Variants in COL28A1 observed in about 807,000 individuals in gnomAD.
COL28A1 encodes collagen alpha-1(XXVIII) chain.
COL28A1 carries 161 observed loss-of-function variants against 150.2 expected under a neutral mutation model. The ratio of observed to expected loss-of-function variants is 1.07; its 90% CI spans 0.94 to 1.22. COL28A1 has a LOEUF of 1.22. COL28A1 is among the 50% of genes most tolerant of loss of function. COL28A1 has a pLI of 0.00. For missense variants in COL28A1, 1,617 were observed against 1,388.3 expected (o/e 1.16, Z -2.62); for synonymous variants, 552 against 469.7 (o/e 1.18, Z -2.26).
upstream of COL28A1, among the ~76,000 whole-genome samples, chr7:7,539,413 C>T (rs1467718379): frequency 3.3e-5 from 5 of 152,168 alleles, no homozygotes; most frequent in Non-Finnish European, 7.3e-5. Flanking sequence ...AGAGAACACA[C>T]TCATTACCGC....
At chr7:7,495,828 CA>C (rs1432138147) in intron 11 of COL28A1, among the ~76,000 whole-genome samples, 1 of 152,304 alleles carries the variant, frequency 6.6e-6, no homozygotes, top group African/African-American at 2.4e-5. Flanking sequence ...TGCTGCAGAG[CA>C]ATTTTTTAAT....
the COL28A1 span, among the ~76,000 whole-genome samples, chr7:7,339,524 C>A: frequency 6.6e-6 from 1 of 152,122 alleles, no homozygotes; most frequent in Non-Finnish European, 1.5e-5. Flanking sequence ...GGATCCTCGG[C>A]AGACTTCTCT....
At chr7:7,357,722 C>T (rs1246219725), downstream of COL28A1, 1 of 147,396 alleles carries the variant, frequency 6.8e-6, no homozygotes, top group African/African-American at 2.4e-5. Context: ...AGAACTAATG[C>T]TCTTCCCAGA....
chr7:7,383,755 T>G (rs1252290740), intron 27 of COL28A1, among the ~76,000 whole-genome samples: 10 of 148,976 alleles, frequency 6.7e-5, no homozygotes, highest in African/African-American at 1.7e-4. Flanking sequence ...AGTATTTCAT[T>G]AAATAACTGA....
downstream of COL28A1, among the ~76,000 whole-genome samples, chr7:7,355,878 A>G (rs762499372): frequency 6.6e-6 from 1 of 152,186 alleles, no homozygotes; most frequent in Non-Finnish European, 1.5e-5. Context: ...ACCAAGAGAC[A>G]TGAATAAGAG....
chr7:7,535,293 T>A (rs1782583281), intron 1 of COL28A1, among the ~76,000 whole-genome samples: 1 of 152,184 alleles, frequency 6.6e-6, no homozygotes, highest in Non-Finnish European at 1.5e-5. Context: ...TTATTTTTTA[T>A]AATTTTTCAA....
intron 31 of COL28A1, among the ~76,000 whole-genome samples, chr7:7,374,210 A>G (rs1416044305): frequency 6.6e-6 from 1 of 151,956 alleles, no homozygotes; most frequent in Non-Finnish European, 1.5e-5. Flanking sequence ...GGTAACCACC[A>G]TCTGACATTT....
At chr7:7,355,517 A>T (rs1266727661), downstream of COL28A1, among the ~76,000 whole-genome samples, 1 of 151,996 alleles carries the variant, frequency 6.6e-6, no homozygotes, top group Non-Finnish European at 1.5e-5. Context: ...GGCTGAGGTG[A>T]GAGGATCACT....
At chr7:7,473,583 T>G (rs146845022) in intron 15 of COL28A1, among the ~76,000 whole-genome samples, 1 of 152,186 alleles carries the variant, frequency 6.6e-6, no homozygotes, top group Non-Finnish European at 1.5e-5. Context: ...TCTGCCTTGC[T>G]GGTGGGAATG....
At chr7:7,505,063 A>C (rs1323530378) in intron 11 of COL28A1, among the ~76,000 whole-genome samples, 2 of 152,218 alleles carry the variant, frequency 1.3e-5, no homozygotes, top group Non-Finnish European at 2.9e-5. Flanking sequence ...AAGCCTAAGC[A>C]CATGCCTGCT....
At chr7:7,432,066 A>AG (rs1785014202) in intron 25 of COL28A1, among the ~76,000 whole-genome samples, 1 of 152,334 alleles carries the variant, frequency 6.6e-6, no homozygotes, top group South Asian at 2.1e-4. Context: ...GATACATGGT[A>AG]GGAAATTAGA....
intron 25 of COL28A1, among the ~76,000 whole-genome samples, chr7:7,428,457 G>C (rs903626758): frequency 3.3e-5 from 5 of 152,202 alleles, no homozygotes; most frequent in Admixed American, 3.3e-4. Context: ...TCTTATATCA[G>C]AGACATCAGG....
At chr7:7,351,637 G>A (rs1033768503), downstream of COL28A1, among the ~76,000 whole-genome samples, 7 of 152,032 alleles carry the variant, frequency 4.6e-5, no homozygotes, top group African/African-American at 1.7e-4. Context: ...AAATGAATTA[G>A]TTCATTTAAA....
chr7:7,443,985 T>G (rs967726404), intron 19 of COL28A1, among the ~76,000 whole-genome samples: 7 of 128,280 alleles, frequency 5.5e-5, no homozygotes, highest in Non-Finnish European at 8.1e-5. Flanking sequence ...TTCCATCTGC[T>G]GTTTTTTTTT....
Position 7,531,997 on chromosome 7 carries a change from G to A in COL28A1, c.125-93C>T, listed in dbSNP as rs1053845677. Reference sequence around the variant, plus strand: ...GCCCTGAAGTGGTGTGTTGTATATTGTTTGGTGTTGAGAGCAGCGTGAGGA... The same window carrying A: ...GCCCTGAAGTGGTGTGTTGTATATTATTTGGTGTTGAGAGCAGCGTGAGGA... On this transcript the variant is annotated intron_variant, in intron 2 of 34. Transcript: ENST00000399429. 7 of 721,078 alleles carry A rather than the reference G, an allele frequency of 9.7e-6. No homozygotes were observed. The African/African-American group carries it at 1.2e-4, about 13-fold the overall frequency. The allele number at this position is 721,078 out of a possible 1,614,324, so 44.7% of individuals were successfully genotyped here.
chr7:7,371,653 G>A (rs1406265934), intron 32 of COL28A1, among the ~76,000 whole-genome samples: 3 of 152,032 alleles, frequency 2.0e-5, no homozygotes, highest in Non-Finnish European at 2.9e-5. Context: ...ATGAATAATC[G>A]GTTTCCAAAG....
At chr7:7,525,309 T>C (rs1009316213) in intron 3 of COL28A1, among the ~76,000 whole-genome samples, 1 of 152,226 alleles carries the variant, frequency 6.6e-6, no homozygotes, top group Non-Finnish European at 1.5e-5. Flanking sequence ...TTTAAATTTA[T>C]AATTTTGCAG....
intron 17 of COL28A1, 28 bp from the exon 18 acceptor site, chr7:7,452,415 G>A: frequency 6.4e-7 from 1 of 1,573,788 alleles, no homozygotes; most frequent in Non-Finnish European, 8.6e-7. Flanking sequence ...TAATACAGCA[G>A]CAAAGTGAAA....
chr7:7,505,100 C>T (rs1238741882), intron 11 of COL28A1, among the ~76,000 whole-genome samples: 2 of 152,094 alleles, frequency 1.3e-5, no homozygotes, highest in South Asian at 2.1e-4. Context: ...TTTAATTTGC[C>T]AATTCAAAGT....
Sources: allele counts gnomAD v4.1 joint callset (sites outside exome capture counted in the v4.1 genomes callset), GRCh38; gene constraint gnomAD v4.1.1; transcripts MANE v1.5; gene names NCBI Gene and HGNC (gene_info 2026-07-23, HGNC 2026-07-21).